The following LRRC7 variants were observed in gnomAD, a reference collection of about 807,000 sequenced individuals.
LRRC7 encodes the protein leucine-rich repeat-containing protein 7.
LRRC7 carries 23 observed loss-of-function variants against 175.7 expected under a neutral mutation model. The ratio of observed to expected loss-of-function variants is 0.13; its 90% CI spans 0.09 to 0.19. LRRC7 has a LOEUF of 0.19. LRRC7 is among the 10% of genes least tolerant of loss of function. The pLI, the probability that LRRC7 is intolerant of heterozygous loss-of-function variation, is 1.00. For synonymous variants in LRRC7, 685 were observed against 680.9 expected (o/e 1.01, Z -0.09); for missense variants, 1,354 against 1,904.7 (o/e 0.71, Z 5.38).
chr1:69,946,411 A>G (rs987461628), intron 8 of LRRC7, among the ~76,000 whole-genome samples: 1 of 152,040 alleles, frequency 6.6e-6, no homozygotes, highest in African/African-American at 2.4e-5. Flanking sequence ...TGTTAAGTCC[A>G]TTGGTATACA....
chr1:69,934,186 C>G (rs1331943206), intron 8 of LRRC7, among the ~76,000 whole-genome samples: 1 of 152,094 alleles, frequency 6.6e-6, no homozygotes, highest in Non-Finnish European at 1.5e-5. Context: ...TATTCTGTAG[C>G]TAGATATTGA....
intron 2 of LRRC7, among the ~76,000 whole-genome samples, chr1:69,700,030 T>A (rs528822250): frequency 6.6e-6 from 1 of 152,170 alleles, no homozygotes; most frequent in Non-Finnish European, 1.5e-5. Flanking sequence ...TGGTAATAGC[T>A]TTTGGGGAGA....
At chr1:69,736,607 T>G (rs146253517) in intron 2 of LRRC7, among the ~76,000 whole-genome samples, 3,959 of 152,136 alleles carry the variant, frequency 0.026, 78 homozygotes, top group Non-Finnish European at 0.036. Flanking sequence ...TACAGAAAAT[T>G]TGGGTTAATT....
At chr1:69,598,279 G>A (rs1646920625) in intron 1 of LRRC7, among the ~76,000 whole-genome samples, 1 of 152,108 alleles carries the variant, frequency 6.6e-6, no homozygotes, top group Non-Finnish European at 1.5e-5. Context: ...CAGAAAGTAT[G>A]TTTTGATCTG....
intron 1 of LRRC7, among the ~76,000 whole-genome samples, chr1:69,596,498 A>C (rs940619528): frequency 6.6e-6 from 1 of 152,190 alleles, no homozygotes; most frequent in Non-Finnish European, 1.5e-5. Flanking sequence ...AATTCTGATG[A>C]TAAACCACCT....
intron 21 of LRRC7, among the ~76,000 whole-genome samples, chr1:70,042,994 AT>A (rs11300645): frequency 0.077 from 11,436 of 148,582 alleles, 540 homozygotes; most frequent in South Asian, 0.19. Context: ...AACTTCTGTG[AT>A]TTTTTTTTTT....
chr1:69,665,123 G>A (rs1013611392), intron 1 of LRRC7, among the ~76,000 whole-genome samples: 1 of 152,000 alleles, frequency 6.6e-6, no homozygotes, highest in South Asian at 2.1e-4. Context: ...GTAGATATAT[G>A]GATTTATCTC....
At chr1:69,955,626 C>T (rs1327908904) in intron 8 of LRRC7, among the ~76,000 whole-genome samples, 1 of 151,888 alleles carries the variant, frequency 6.6e-6, no homozygotes, top group Non-Finnish European at 1.5e-5. Context: ...TTAATAAAAT[C>T]CAAATCAGGT....
At chr1:69,623,676 G>A (rs778839255) in intron 1 of LRRC7, among the ~76,000 whole-genome samples, 6 of 150,030 alleles carry the variant, frequency 4.0e-5, no homozygotes, top group Non-Finnish European at 5.9e-5. Context: ...TCAGCCTCCC[G>A]CGTAGCTGGG....
intron 22 of LRRC7, among the ~76,000 whole-genome samples, chr1:70,048,650 A>T (rs1008274660): frequency 3.3e-5 from 5 of 152,106 alleles, no homozygotes; most frequent in Non-Finnish European, 5.9e-5. Flanking sequence ...AAGAATACAC[A>T]AGTAGAATAT....
intron 2 of LRRC7, among the ~76,000 whole-genome samples, chr1:69,688,682 C>T (rs1661489178): frequency 6.6e-6 from 1 of 150,756 alleles, no homozygotes. Context: ...AAAATACTCC[C>T]TATTTTATCA....
intron 3 of LRRC7, among the ~76,000 whole-genome samples, chr1:69,772,390 A>C (rs963106492): frequency 6.6e-6 from 1 of 152,180 alleles, no homozygotes; most frequent in African/African-American, 2.4e-5. Flanking sequence ...AGAGTGGTAC[A>C]AGGCACCACA....
At chr1:69,988,332 G>C (rs1187736703) in intron 10 of LRRC7, among the ~76,000 whole-genome samples, 4 of 152,072 alleles carry the variant, frequency 2.6e-5, no homozygotes, top group Non-Finnish European at 5.9e-5. Flanking sequence ...TTACTCAAAA[G>C]GTTGAGACAA....
chr1:70,096,330 A>T (rs954843498), intron 25 of LRRC7, among the ~76,000 whole-genome samples: 1 of 152,190 alleles, frequency 6.6e-6, no homozygotes, highest in Non-Finnish European at 1.5e-5. Context: ...ATAGTTTTAC[A>T]TAGTCTAAGT....
chr1:69,770,128 T>A (rs1672065114), intron 3 of LRRC7, among the ~76,000 whole-genome samples: 1 of 152,144 alleles, frequency 6.6e-6, no homozygotes, highest in African/African-American at 2.4e-5. Context: ...TGACAGTTGT[T>A]CAAGATTCAA....
At chr1:69,711,852 A>G (rs1664785509) in intron 2 of LRRC7, among the ~76,000 whole-genome samples, 2 of 152,320 alleles carry the variant, frequency 1.3e-5, no homozygotes, top group South Asian at 4.1e-4. Flanking sequence ...TTTGAGTAGC[A>G]TGTCGGAGGC....
chr1:69,861,697 A>G (rs1684373164), intron 7 of LRRC7, among the ~76,000 whole-genome samples: 2 of 152,218 alleles, frequency 1.3e-5, no homozygotes, highest in African/African-American at 4.8e-5. Context: ...AAACAGCAGG[A>G]TTCAGGTGTC....
chr1:69,713,102 T>C (rs1157225853), intron 2 of LRRC7, among the ~76,000 whole-genome samples: 2 of 152,176 alleles, frequency 1.3e-5, no homozygotes, highest in African/African-American at 4.8e-5. Context: ...ACTGTAATAA[T>C]ATATTTTAGG....
In LRRC7 at chr1:70,022,006, G is replaced by C. The variant is rs137938409; in HGVS notation, c.1545+877G>C. On this transcript the variant is annotated intron_variant, in intron 16 of 26. Transcript: ENST00000651989. Reference sequence around the variant, plus strand: ...TAAAGCTAGATTGTGTGTTATGTTTGTCTCTGTCCTCTCCTTTCCACATTT... The same window carrying C: ...TAAAGCTAGATTGTGTGTTATGTTTCTCTCTGTCCTCTCCTTTCCACATTT... Among the ~76,000 whole-genome samples the C allele has an allele frequency of 4.6e-3, 698 of 152,098 alleles. 8 individuals are homozygous for C. The highest frequency in any genetic ancestry group is 0.016 in the African/African-American group (646 of 41,504).
Sources: allele counts gnomAD v4.1 joint callset (sites outside exome capture counted in the v4.1 genomes callset), GRCh38; gene constraint gnomAD v4.1.1; transcripts MANE v1.5; gene names NCBI Gene and HGNC (gene_info 2026-07-23, HGNC 2026-07-21).